The following ABCC4 variants were observed in gnomAD, a reference collection of about 807,000 sequenced individuals.
ABCC4 encodes ATP binding cassette subfamily C member 4 (PEL blood group).
ABCC4 carries 102 observed loss-of-function variants against 168.5 expected under a neutral mutation model. The observed-to-expected ratio is 0.61, with a 90% CI of 0.52 to 0.71. The LOEUF (loss-of-function observed/expected upper bound fraction) is 0.71, where lower values mean the gene tolerates loss of function less well. ABCC4 is among the 30% of genes least tolerant of loss of function. The pLI is 0.00. For synonymous variants in ABCC4, 617 were observed against 590.7 expected (o/e 1.04, Z -0.65); for missense variants, 1,402 against 1,605.8 (o/e 0.87, Z 2.17).
At chr13:95,242,418 G>C (rs2039973899) in intron 3 of ABCC4, among the ~76,000 whole-genome samples, 1 of 152,092 alleles carries the variant, frequency 6.6e-6, no homozygotes, top group Non-Finnish European at 1.5e-5. Flanking sequence ...AATAGAGATG[G>C]GGTTTCACCA....
chr13:95,163,041 C>A, intron 18 of ABCC4, 81 bp downstream of exon 18: 2 of 909,758 alleles, frequency 2.2e-6, no homozygotes, highest in Non-Finnish European at 3.7e-6. Context: ...CTGAATGACT[C>A]CTGGAAGCCC....
intron 30 of ABCC4, among the ~76,000 whole-genome samples, chr13:95,033,611 T>A (rs776162871): frequency 1.3e-5 from 2 of 152,160 alleles, no homozygotes; most frequent in Admixed American, 6.5e-5. Flanking sequence ...TTATTCAGGC[T>A]ATAGCTATAA....
Position 95,075,470 on chromosome 13 carries a change from C to T in ABCC4, c.2768G>A (p.Cys923Tyr). The change falls in exon 22 of 31, where the codon TGT becomes TAT. Residue 923 changes from cysteine (C) to tyrosine (Y), a missense_variant. Cys to Tyr is a radical substitution (Grantham distance 194). Around this residue, in one of 3 missense-constraint regions of ABCC4, gnomAD observed 1,007 missense variants for 1,127.3 expected, o/e 0.89. Transcript: ENST00000645237. ...TIRAYKAEERCQELFDAHQDL... is the reference protein window; with the variant it reads ...TIRAYKAEERYQELFDAHQDL... Reference sequence around the variant, plus strand: ...CTGGTGTGCATCAAACAGTTCCTGACACCTCTCTTCTGCTTTGTATGCCCG... The same window carrying T: ...CTGGTGTGCATCAAACAGTTCCTGATACCTCTCTTCTGCTTTGTATGCCCG... 1.2e-6 allele frequency: 2 copies of T among 1,614,124 alleles called. No homozygotes were observed. Among genetic ancestry groups the T allele is most frequent in the South Asian group, 2.2e-5 (2 of 91,082 alleles).
At chr13:95,063,802 G>C (rs1248291461) in intron 25 of ABCC4, among the ~76,000 whole-genome samples, 1 of 152,188 alleles carries the variant, frequency 6.6e-6, no homozygotes, top group Non-Finnish European at 1.5e-5. Flanking sequence ...TTTCACATGT[G>C]TGCATATAAA....
chr13:95,094,992 C>T lies in ABCC4; in HGVS notation c.2536-11702G>A, dbSNP rs567805500. On this transcript the variant is annotated intron_variant, in intron 20 of 30. Transcript: ENST00000645237. ...TGGCCATAATAAAAAAATCAGAAAA[C>T]AGTAGATGTTGGCATGGATGCAGTG... Among the ~76,000 whole-genome samples, 17 of 152,200 alleles carry T rather than the reference C, an allele frequency of 1.1e-4. No homozygotes were observed. In the South Asian group the frequency reaches 3.1e-3, roughly 28 times the overall value.
At chr13:95,029,255 A>AAG (rs1234337009) in intron 30 of ABCC4, among the ~76,000 whole-genome samples, 1 of 5,332 alleles carries the variant, frequency 1.9e-4, no homozygotes, top group African/African-American at 4.0e-4. Context: ...GAGAGAGAGA[A>AAG]AGAGAGAGAG....
At chr13:95,242,949 G>A (rs1037271754) in intron 3 of ABCC4, among the ~76,000 whole-genome samples, 5 of 152,070 alleles carry the variant, frequency 3.3e-5, no homozygotes, top group African/African-American at 9.7e-5. Context: ...TCACTGCATC[G>A]GAACTAAAAG....
At chr13:95,109,518 C>T (rs973077666) in intron 20 of ABCC4, among the ~76,000 whole-genome samples, 1 of 152,090 alleles carries the variant, frequency 6.6e-6, no homozygotes, top group Non-Finnish European at 1.5e-5. Context: ...TTTGTATGTC[C>T]TTTGTAGCCA....
chr13:95,187,675 T>C (rs2038112376), intron 10 of ABCC4, among the ~76,000 whole-genome samples: 1 of 151,254 alleles, frequency 6.6e-6, no homozygotes, highest in South Asian at 2.1e-4. Flanking sequence ...TCCTGTGCAC[T>C]AGGAAGGACT....
chr13:95,188,531 G>A lies in ABCC4; in HGVS notation c.1275C>T (p.Thr425=). ...TAAAGGAAAGGCCTTGTAGAGTTGGGGTCTCTGATGCCTACAAATTAAAGT... is the reference window on the plus strand; with the variant it reads ...TAAAGGAAAGGCCTTGTAGAGTTGGAGTCTCTGATGCCTACAAATTAAAGT... ...FTAFWDKASE[T]PTLQGLSFTV... is the part of the protein sequence containing the mutation. Residue 425 remains threonine, a synonymous_variant, in exon 10 of 31, where the codon ACC becomes ACT. Transcript: ENST00000645237. 1 of 1,609,658 alleles carries A rather than the reference G, an allele frequency of 6.2e-7. No homozygotes were observed. The highest frequency in any genetic ancestry group is 2.2e-5 in the East Asian group (1 of 44,724).
chr13:95,043,687 T>C lies in ABCC4; in HGVS notation c.3730A>G (p.Ile1244Val), dbSNP rs2032455822. 6.2e-7 allele frequency: 1 copy of C among 1,611,554 alleles called. No individual in the cohort carries two copies. Among genetic ancestry groups the C allele is most frequent in the South Asian group, 1.1e-5 (1 of 90,796 alleles). The change falls in exon 29 of 31, where the codon ATA becomes GTA. Residue 1244 changes from isoleucine (I) to valine (V), a missense_variant. Physicochemically the swap from Ile to Val is conservative, Grantham distance 29 (BLOSUM62 3). Transcript: ENST00000645237. ...TCCGCAGGTGAAGGACTCACCATTA[T>C]CTTGTCGCTGTCAATAATGGTGTTC... is the stretch of plus-strand genomic sequence containing the variant. ...RLNTIIDSDK[I>V]MVLDSGRLKE...
intron 4 of ABCC4, among the ~76,000 whole-genome samples, chr13:95,213,856 A>G (rs1648160120): frequency 6.6e-6 from 1 of 152,168 alleles, no homozygotes; most frequent in African/African-American, 2.4e-5. Flanking sequence ...CAGACTCCCT[A>G]TAGTATATCG....
At chr13:95,186,051 C>A (rs565967082) in intron 11 of ABCC4, among the ~76,000 whole-genome samples, 2 of 151,982 alleles carry the variant, frequency 1.3e-5, no homozygotes, top group East Asian at 3.9e-4. Context: ...GCCAAGTGCA[C>A]GGTGCAGACA....
intron 1 of ABCC4, among the ~76,000 whole-genome samples, chr13:95,260,761 C>G (rs1050629663): frequency 1.3e-5 from 2 of 152,010 alleles, no homozygotes; most frequent in African/African-American, 4.8e-5. Context: ...CTAAAGATAA[C>G]AGGGAAATTG....
intron 6 of ABCC4, 24 bp downstream of exon 6, chr13:95,209,410 T>C (rs1371272756): frequency 6.2e-7 from 1 of 1,610,190 alleles, no homozygotes; most frequent in Admixed American, 1.7e-5. Context: ...CATATGACAT[T>C]TTTCACAGCA....
chr13:95,253,302 A>G (rs1204844054), intron 1 of ABCC4, among the ~76,000 whole-genome samples: 2 of 152,188 alleles, frequency 1.3e-5, no homozygotes, highest in African/African-American at 4.8e-5. Flanking sequence ...TCGCCATTTG[A>G]AAGGCTATTG....
chr13:95,275,874 A>G (rs900314159), intron 1 of ABCC4, among the ~76,000 whole-genome samples: 1 of 152,152 alleles, frequency 6.6e-6, no homozygotes, highest in Non-Finnish European at 1.5e-5. Flanking sequence ...TAAATCATAC[A>G]CTTTTCTAAT....
chr13:95,083,412 G>T, intron 20 of ABCC4, 122 bp from the exon 21 acceptor site: 1 of 1,163,146 alleles, frequency 8.6e-7, no homozygotes, highest in Non-Finnish European at 1.2e-6. Context: ...ACCAGGGACT[G>T]CTTTTCCATA....
intron 26 of ABCC4, among the ~76,000 whole-genome samples, chr13:95,062,248 T>G (rs1046221094): frequency 1.3e-5 from 2 of 152,170 alleles, no homozygotes; most frequent in South Asian, 2.1e-4. Flanking sequence ...ACTATAAGTT[T>G]TTTAACTCTC....
Sources: allele counts gnomAD v4.1 joint callset (sites outside exome capture counted in the v4.1 genomes callset), GRCh38; gene constraint gnomAD v4.1.1; regional missense constraint gnomAD v4.1.1; transcripts MANE v1.5; gene names NCBI Gene and HGNC (gene_info 2026-07-23, HGNC 2026-07-21).